The following SPATA18 variants were observed in gnomAD, a reference collection of about 807,000 sequenced individuals.
The protein encoded by SPATA18 is mitochondria-eating protein.
SPATA18 carries 54 observed loss-of-function variants against 68.1 expected under a neutral mutation model. The observed-to-expected ratio is 0.79, with a 90% CI of 0.64 to 0.99. SPATA18 has a LOEUF of 0.99. Among genes scored for constraint, SPATA18 ranks in the 50% least tolerant of loss-of-function variants. SPATA18 has a pLI of 0.00. For synonymous variants in SPATA18, 242 were observed against 244.8 expected, an observed-to-expected ratio of 0.99 and a Z score of 0.11; for missense variants, 724 against 681.1, an observed-to-expected ratio of 1.06 and a Z score of -0.70.
chr4:52,089,749 T>C (rs967344174), intron 11 of SPATA18, among the ~76,000 whole-genome samples: 1 of 152,236 alleles, frequency 6.6e-6, no homozygotes, highest in African/African-American at 2.4e-5. Context: ...CCGAGAAGAA[T>C]GTATATTCTG....
In SPATA18 at chr4:52,060,482, C is replaced by T; in HGVS notation, c.151C>T (p.Gln51Ter). The T allele has an allele frequency of 2.5e-6, 4 of 1,614,010 alleles. No homozygotes were observed. The highest frequency in any genetic ancestry group is 3.4e-6 in the Non-Finnish European group (4 of 1,179,948). The change falls in exon 2 of 13, where the codon CAG (glutamine) becomes TAG (stop). Residue 51 changes from glutamine to a stop codon, truncating the protein, a stop_gained. Transcript: ENST00000295213. LOFTEE classifies it high-confidence loss of function. ...ACTCATTGAGCAAGTTGCCAAGGTG[C>T]AGGGACAACTCTTTGGGATCCTCAC... ...LELIEQVAKVQGQLFGILTAA... is the reference protein window; with the variant it reads ...LELIEQVAKV
At position 52,051,589 on chromosome 4, in the gene SPATA18, AG is replaced by A; in HGVS notation, c.-115del. ...GGATGGAAACACCTGCCGCGCTCTG[AG>A]CCCCCCAGAAGAGAACACCCTTCCC... is the stretch of plus-strand genomic sequence containing the variant. On this transcript the variant is annotated 5_prime_UTR_variant, in exon 1 of 13. Coordinates refer to ENST00000295213, the MANE Select transcript of SPATA18 (RefSeq NM_145263.4). 1.0e-6 allele frequency: 1 copy of A among 976,368 alleles called. No individual in the cohort carries two copies. The highest frequency in any genetic ancestry group is 1.6e-6 in the Non-Finnish European group (1 of 618,578). 60.5% of individuals were successfully genotyped at this position (976,368 alleles called of 1,614,324 possible).
chr4:52,052,899 C>T (rs1276134157), intron 1 of SPATA18, among the ~76,000 whole-genome samples: 2 of 152,216 alleles, frequency 1.3e-5, no homozygotes, highest in Admixed American at 1.3e-4. Context: ...GCCTTCCTTT[C>T]TAGTGCTTCC....
At chr4:52,065,916 C>T (rs1348445863) in intron 4 of SPATA18, among the ~76,000 whole-genome samples, 1 of 152,204 alleles carries the variant, frequency 6.6e-6, no homozygotes, top group Admixed American at 6.5e-5. Context: ...TTTTCCTCCT[C>T]TCCTATATCC....
At chr4:52,066,676 C>T (rs1739342387) in intron 4 of SPATA18, among the ~76,000 whole-genome samples, 1 of 152,108 alleles carries the variant, frequency 6.6e-6, no homozygotes, top group South Asian at 2.1e-4. Flanking sequence ...CCCAACAGAG[C>T]CCAGTGTGTA....
Position 52,051,520 on chromosome 4 carries a change from C to T in SPATA18, c.-185C>T, listed in dbSNP as rs1314801066. On this transcript the variant is annotated 5_prime_UTR_variant, in exon 1 of 13. Coordinates refer to ENST00000295213, the MANE Select transcript of SPATA18 (RefSeq NM_145263.4). ...GCGGCGGCTGCGGCCCAGGGCACCT[C>T]CCCTCTGGCTTCCCGAACCCGGCCA... 2 of 618,770 alleles carry T rather than the reference C, an allele frequency of 3.2e-6. No individual in the cohort carries two copies. Among genetic ancestry groups the T allele is most frequent in the African/African-American group, 3.7e-5 (2 of 54,322 alleles). The allele number at this position is 618,770 out of a possible 1,614,324, so 38.3% of individuals were successfully genotyped here. A position where few individuals can be genotyped will look rare whatever the true frequency, so the allele number is the denominator to read the frequency against.
intron 9 of SPATA18, 135 bp downstream of exon 9, chr4:52,080,054 T>A: frequency 1.1e-6 from 1 of 910,044 alleles, no homozygotes; most frequent in Non-Finnish European, 1.6e-6. Context: ...GGCCCTACCA[T>A]ATACTTCTCT....
chr4:52,052,411 C>T (rs1737974527), intron 1 of SPATA18, among the ~76,000 whole-genome samples: 1 of 152,162 alleles, frequency 6.6e-6, no homozygotes, highest in South Asian at 2.1e-4. Context: ...AGCCAGTATT[C>T]TGTCACCAAA....
chr4:52,076,654 T>C, intron 6 of SPATA18, 125 bp from the exon 7 acceptor site: 1 of 1,301,712 alleles, frequency 7.7e-7, no homozygotes. Context: ...GTCTAATCAC[T>C]TCTGAATTCC....
At position 52,096,001 on chromosome 4, in the gene SPATA18, T is replaced by C. The variant is rs972532538; in HGVS notation, c.*1114T>C. 7.9e-5 allele frequency: 12 copies of C among 152,150 alleles called. No individual in the cohort carries two copies. The highest frequency in any genetic ancestry group is 2.9e-4 in the African/African-American group (12 of 41,430). 9.4% of individuals were successfully genotyped at this position (152,150 alleles called of 1,614,324 possible). On this transcript the variant is annotated 3_prime_UTR_variant, in exon 13 of 13. Coordinates refer to ENST00000295213, the MANE Select transcript of SPATA18 (RefSeq NM_145263.4). ...AAACATCTACTTTCTCCACATACCT[T>C]TGAGAGAGACACTGAATTGGCCTCA...
At chr4:52,091,393 T>C (rs898761388) in intron 11 of SPATA18, among the ~76,000 whole-genome samples, 4 of 152,222 alleles carry the variant, frequency 2.6e-5, no homozygotes, top group Non-Finnish European at 5.9e-5. Flanking sequence ...ATTTTCAGCC[T>C]TTTTGTGCTG....
intron 11 of SPATA18, among the ~76,000 whole-genome samples, chr4:52,089,207 A>G (rs933947362): frequency 6.6e-6 from 1 of 151,520 alleles, no homozygotes; most frequent in African/African-American, 2.4e-5. Context: ...CAGTATATCT[A>G]TTTTGCAGAT....
chr4:52,086,764 C>A (rs1454446223), intron 11 of SPATA18, among the ~76,000 whole-genome samples: 1 of 152,168 alleles, frequency 6.6e-6, no homozygotes, highest in South Asian at 2.1e-4. Flanking sequence ...GATTTATAAT[C>A]ATTTGGGTAT....
chr4:52,052,388 G>A lies in SPATA18; in HGVS notation c.87+597G>A, dbSNP rs188402405. ...CAGGGCGGATTCAGGCCTTTTTCCA[G>A]GCATTTGTGAGAAGCCAGTATTCTG... On this transcript the variant is annotated intron_variant, in intron 1 of 12. Transcript: ENST00000295213. 3.8e-3 allele frequency among the ~76,000 whole-genome samples: 577 copies of A among 152,240 alleles called. 3 individuals are homozygous for A. Among genetic ancestry groups the A allele is most frequent in the Non-Finnish European group, 5.0e-3 (337 of 68,012 alleles).
At chr4:52,070,384 G>A (rs1204402336) in intron 5 of SPATA18, among the ~76,000 whole-genome samples, 4 of 152,022 alleles carry the variant, frequency 2.6e-5, no homozygotes, top group African/African-American at 7.3e-5. Flanking sequence ...TTTTCAACAT[G>A]GGAAATAATA....
intron 1 of SPATA18, among the ~76,000 whole-genome samples, chr4:52,055,691 C>G (rs748580822): frequency 6.6e-6 from 1 of 152,146 alleles, no homozygotes; most frequent in East Asian, 1.9e-4. Context: ...CCAGGCCCCA[C>G]GCGAGAGCAA....
Position 52,082,389 on chromosome 4 carries a change from A to ACCG in SPATA18, c.1363_1365dup (p.Arg455dup), listed in dbSNP as rs1741005473. On this transcript the variant is annotated inframe_insertion, in exon 10 of 13. Coordinates refer to ENST00000295213, the MANE Select transcript of SPATA18 (RefSeq NM_145263.4). ...CTTTTTTTGTATATTGAAAACAGAT[A>ACCG]CCGCCGCAGCTACGACTCGGATTTC... The ACCG allele has an allele frequency of 6.2e-7, 1 of 1,613,630 alleles. No homozygotes were observed. Among genetic ancestry groups the ACCG allele is most frequent in the Non-Finnish European group, 8.5e-7 (1 of 1,179,782 alleles).
At chr4:52,094,462 CA>C in intron 11 of SPATA18, 64 bp from the exon 12 acceptor site, 1 of 1,537,742 alleles carries the variant, frequency 6.5e-7, no homozygotes, top group South Asian at 1.1e-5. Flanking sequence ...AAAAATATGT[CA>C]AAAGAATTCA....
At chr4:52,078,666 A>G (rs1740625658) in intron 7 of SPATA18, 69 bp from the exon 8 acceptor site, 1 of 1,388,278 alleles carries the variant, frequency 7.2e-7, no homozygotes, top group Non-Finnish European at 9.7e-7. Flanking sequence ...GATTCTTTCT[A>G]ATTCCTTGTT....
Sources: allele counts gnomAD v4.1 joint callset (sites outside exome capture counted in the v4.1 genomes callset), GRCh38; gene constraint gnomAD v4.1.1; transcripts MANE v1.5; gene names NCBI Gene and HGNC (gene_info 2026-07-23, HGNC 2026-07-21).